CBR1: variants seen among roughly 807,000 people sequenced by gnomAD.
The protein encoded by CBR1 is carbonyl reductase [NADPH] 1.
Under a neutral mutation model 10.6 loss-of-function variants are expected in CBR1, and 11 were observed. The observed-to-expected ratio is 1.03, with a 90% CI of 0.65 to 1.71. The LOEUF (loss-of-function observed/expected upper bound fraction) is 1.71. CBR1 is among the 40% of genes most tolerant of loss of function. CBR1 has a pLI of 0.00. For synonymous variants in CBR1, 158 were observed against 156.7 expected (o/e 1.01, Z -0.06); for missense variants, 361 against 368.6 (o/e 0.98, Z 0.17).
intron 2 of CBR1, chr21:36,072,156 TC>T: frequency 6.5e-7 from 1 of 1,545,852 alleles, no homozygotes; most frequent in Non-Finnish European, 8.7e-7. Flanking sequence ...TGTTTCCCTG[TC>T]CTGTCGTCCT....
At chr21:36,070,878 T>TTAG in intron 1 of CBR1, 72 bp from the exon 2 acceptor site, 2 of 901,766 alleles carry the variant, frequency 2.2e-6, no homozygotes, top group Non-Finnish European at 1.7e-6. Flanking sequence ...TTTTTTTTTT[T>TTAG]TTAGTATCAT....
chr21:36,072,112 A>G (rs749111903), intron 2 of CBR1: 39 of 1,507,796 alleles, frequency 2.6e-5, no homozygotes, highest in Non-Finnish European at 3.0e-5. Context: ...CGAGTTGGGT[A>G]CTTGCATGTA....
In CBR1 at chr21:36,070,953, C is replaced by T. The variant is rs141259214; in HGVS notation, c.293C>T (p.Ala98Val). Residue 98 changes from alanine to valine, a missense_variant, in exon 2 of 3, where the codon GCT (alanine) becomes GTT (valine). Transcript: ENST00000290349. ...TGTTCTCTTTCTCTCCTAAAAGTTGCTGATCCCACACCCTTTCATATTCAA... is the reference window on the plus strand; with the variant it reads ...TGTTCTCTTTCTCTCCTAAAAGTTGTTGATCCCACACCCTTTCATATTCAA... ...VNNAGIAFKV[A>V]DPTPFHIQAE... is the part of the protein sequence containing the mutation. 4 of 1,603,806 alleles carry T rather than the reference C, an allele frequency of 2.5e-6. No homozygotes were observed. The African/African-American group carries it at 5.4e-5, about 22-fold the overall frequency.
chr21:36,070,687 G>A (rs2065345407), intron 1 of CBR1, among the ~76,000 whole-genome samples: 1 of 151,858 alleles, frequency 6.6e-6, no homozygotes, highest in Admixed American at 6.5e-5. Context: ...ACGACAAATT[G>A]CAAAAAGAAA....
In CBR1 at chr21:36,072,862, AAG is replaced by A. The variant is rs748129973; in HGVS notation, c.819_820del (p.Arg273SerfsTer2). On this transcript the variant is annotated frameshift_variant, in exon 3 of 3. Coordinates refer to ENST00000290349, the MANE Select transcript of CBR1 (RefSeq NM_001757.4). LOFTEE classifies it high-confidence loss of function. ...EGPHGQFVSE[K>X]RVEQW is the part of the protein sequence containing the mutation. ...TCCCCATGGACAATTTGTTTCAGAG[AAG>A]AGAGTTGAACAGTGGTGAGCTGGGC... The A allele has an allele frequency of 2.5e-6, 4 of 1,613,312 alleles. No individual in the cohort carries two copies. In the Admixed American group the frequency reaches 6.7e-5, roughly 27 times the overall value.
intron 2 of CBR1, 95 bp downstream of exon 2, chr21:36,071,152 A>C: frequency 1.2e-6 from 1 of 838,958 alleles, no homozygotes; most frequent in Non-Finnish European, 2.1e-6. Flanking sequence ...CTTCCTCTCC[A>C]TGCTGCACGT....
rs1286647577 is a variant in CBR1, at chr21:36,070,240, G to A, written c.125G>A (p.Arg42Gln). The change falls in exon 1 of 3, where the codon CGG becomes CAG. Residue 42 changes from arginine to glutamine, a missense_variant. Physicochemically the swap from Arg to Gln is conservative, Grantham distance 43 (BLOSUM62 1). Coordinates refer to ENST00000290349, the MANE Select transcript of CBR1 (RefSeq NM_001757.4). ...DVVLTARDVTRGQAAVQQLQA... is the reference protein window; with the variant it reads ...DVVLTARDVTQGQAAVQQLQA... ...GTGCTCACGGCGCGGGACGTGACGC[G>A]GGGCCAGGCGGCCGTACAGCAGCTG... is the stretch of plus-strand genomic sequence containing the variant. The A allele has an allele frequency of 1.2e-6, 2 of 1,610,406 alleles. No homozygotes were observed. The highest frequency in any genetic ancestry group is 1.7e-6 in the Non-Finnish European group (2 of 1,179,378).
At chr21:36,071,805 C>G in intron 2 of CBR1, 5 of 1,529,760 alleles carry the variant, frequency 3.3e-6, no homozygotes, top group Non-Finnish European at 4.4e-6. Flanking sequence ...TTCCTCTTTT[C>G]CTTTCCCAGC....
chr21:36,070,515 G>A, intron 1 of CBR1, 111 bp downstream of exon 1: 1 of 1,068,354 alleles, frequency 9.4e-7, no homozygotes, highest in Non-Finnish European at 1.3e-6. Flanking sequence ...GCTAGGAGAT[G>A]CAGGGAGTGC....
intron 1 of CBR1, 73 bp from the exon 2 acceptor site, chr21:36,070,877 T>TTTTTTTG: frequency 1.1e-6 from 1 of 899,240 alleles, no homozygotes; most frequent in South Asian, 1.7e-5. Context: ...TTTTTTTTTT[T>TTTTTTTG]TTTAGTATCA....
rs1143663 is a variant in CBR1 at position 36,070,377 on chromosome 21, G to A, written c.262G>A (p.Val88Ile). The change falls in exon 1 of 3, where the codon GTC becomes ATC. Residue 88 changes from valine to isoleucine, a missense_variant. Val to Ile is a conservative substitution (Grantham distance 29, BLOSUM62 3). Coordinates refer to ENST00000290349, the MANE Select transcript of CBR1 (RefSeq NM_001757.4). The stretch of plus-strand genomic sequence containing the variant: ...GGAGTACGGGGGCCTGGACGTGCTG[G>A]TCAACAACGCGGGCATCGCCTTCAA... ...RKEYGGLDVL[V>I]NNAGIAFKVA... 6 of 1,609,826 alleles carry A rather than the reference G, an allele frequency of 3.7e-6. No individual in the cohort carries two copies. The African/African-American group carries it at 8.0e-5, about 22-fold the overall frequency.
chr21:36,071,652 C>G, intron 2 of CBR1: 1 of 602,770 alleles, frequency 1.7e-6, no homozygotes, highest in Non-Finnish European at 2.9e-6. Context: ...CATGCCCCAC[C>G]CCTCATAATC....
chr21:36,070,207 G>C lies in CBR1; in HGVS notation c.92G>C (p.Gly31Ala). ...IVRDLCRLFS[G>A]DVVLTARDVT... is the part of the protein sequence containing the mutation. The stretch of plus-strand genomic sequence containing the variant: ...CGCGACCTGTGCCGGCTGTTCTCGG[G>C]GGACGTGGTGCTCACGGCGCGGGAC... Residue 31 changes from glycine to alanine, a missense_variant, in exon 1 of 3, where the codon GGG becomes GCG. Transcript: ENST00000290349. The C allele has an allele frequency of 6.2e-7, 1 of 1,608,190 alleles. No individual in the cohort carries two copies. Among genetic ancestry groups the C allele is most frequent in the South Asian group, 1.1e-5 (1 of 90,760 alleles).
intron 2 of CBR1, 57 bp downstream of exon 2, chr21:36,071,114 T>G (rs776354083): frequency 7.8e-6 from 9 of 1,158,970 alleles, no homozygotes; most frequent in Admixed American, 3.4e-5. Flanking sequence ...GGCCCCTGCT[T>G]GCCTGGGATT....
rs1437133285 is a variant in CBR1 at position 36,072,575 on chromosome 21, T to G, written c.527T>G (p.Val176Gly). The change falls in exon 3 of 3, where the codon GTG becomes GGG. Residue 176 changes from valine (V) to glycine (G), a missense_variant. Coordinates refer to ENST00000290349, the MANE Select transcript of CBR1 (RefSeq NM_001757.4). ...EELVGLMNKFVEDTKKGVHQK... is the reference protein window; with the variant it reads ...EELVGLMNKFGEDTKKGVHQK... ...CTGGTGGGGCTCATGAACAAGTTTG[T>G]GGAGGATACAAAGAAGGGAGTGCAC... 1 of 1,601,882 alleles carries G rather than the reference T, an allele frequency of 6.2e-7. No individual in the cohort carries two copies.
At position 36,072,783 on chromosome 21, in the gene CBR1, A is replaced by G. The variant is rs751302216; in HGVS notation, c.735A>G (p.Glu245=). 2 of 1,614,104 alleles carry G rather than the reference A, an allele frequency of 1.2e-6. No individual in the cohort carries two copies. Among genetic ancestry groups the G allele is most frequent in the Non-Finnish European group, 1.7e-6 (2 of 1,180,008 alleles). Reference sequence around the variant, plus strand: ...GACCCAAGGCCACCAAGAGCCCAGAAGAAGGTGCAGAGACCCCTGTGTACT... The same window carrying G: ...GACCCAAGGCCACCAAGAGCCCAGAGGAAGGTGCAGAGACCCCTGTGTACT... The part of the protein sequence containing the change: ...MAGPKATKSP[E]EGAETPVYLA... Residue 245 remains glutamate (E), a synonymous_variant, in exon 3 of 3, where the codon GAA becomes GAG. Transcript: ENST00000290349.
At chr21:36,071,114 T>C (rs776354083) in intron 2 of CBR1, 57 bp downstream of exon 2, 1 of 1,158,970 alleles carries the variant, frequency 8.6e-7, no homozygotes, top group South Asian at 1.2e-5. Flanking sequence ...GGCCCCTGCT[T>C]GCCTGGGATT....
intron 1 of CBR1, 184 bp downstream of exon 1, chr21:36,070,588 A>T: frequency 1.7e-6 from 1 of 595,788 alleles, no homozygotes; most frequent in Admixed American, 3.7e-5. Flanking sequence ...CCTGGCTGGG[A>T]CTCTTGGGGA....
Position 36,070,106 on chromosome 21 carries a change from C to T in CBR1, c.-10C>T. On this transcript the variant is annotated 5_prime_UTR_variant, in exon 1 of 3. Transcript: ENST00000290349. ...TCTCCACGCAGGTGTTCCGCGCGCC[C>T]CGTTCAGCCATGTCGTCCGGCATCC... The T allele has an allele frequency of 2.0e-6, 3 of 1,491,538 alleles. No homozygotes were observed. Among genetic ancestry groups the T allele is most frequent in the Non-Finnish European group, 8.9e-7 (1 of 1,117,878 alleles). 92.4% of individuals were successfully genotyped at this position (1,491,538 alleles called of 1,614,324 possible). A position where few individuals can be genotyped will look rare whatever the true frequency, so the allele number is the denominator to read the frequency against.
Sources: gnomAD v4.1 joint callset for allele counts (sites outside exome capture counted in the v4.1 genomes callset) on GRCh38, gnomAD v4.1.1 for gene constraint, MANE v1.5 for transcripts, NCBI Gene and HGNC (gene_info 2026-07-23, HGNC 2026-07-21) for gene names.